The following PKD1 variants were observed in gnomAD, a reference collection of about 807,000 sequenced individuals.
The protein encoded by PKD1 is polycystin 1, transient receptor potential channel interacting, also known as polycystin-1.
A neutral mutation model predicts 361.7 loss-of-function variants in PKD1; 81 were observed. That is an observed-to-expected ratio of 0.22 (90% CI 0.19 to 0.27). The LOEUF is 0.27. PKD1 is among the 10% of genes least tolerant of loss of function. The pLI is 1.00. For missense variants in PKD1, 6,399 were observed against 6,118.3 expected, an observed-to-expected ratio of 1.05 and a Z score of -1.53; for synonymous variants, 3,615 against 2,818.3, an observed-to-expected ratio of 1.28 and a Z score of -8.95.
intron 30 of PKD1, chr16:2,099,414 G>A: frequency 1.6e-6 from 1 of 618,568 alleles, no homozygotes; most frequent in Non-Finnish European, 3.0e-6. Flanking sequence ...GTCGTCCGTG[G>A]CGTCTGCTTA....
rs1287159706 is a variant in PKD1 at position 2,100,353 on chromosome 16, A to G, written c.9568+43T>C. 1.2e-5 allele frequency: 20 copies of G among 1,609,542 alleles called. No homozygotes were observed. Among genetic ancestry groups the G allele is most frequent in the Admixed American group, 3.3e-5 (2 of 59,998 alleles). On this transcript the variant is annotated intron_variant, in intron 27 of 45. Transcript: ENST00000262304. The surrounding 1 kb of genome is among the most constrained non-coding windows in gnomAD (Gnocchi z 4.4). The stretch of plus-strand genomic sequence containing the variant: ...GAGGTCAGGCTCGCAGGGCGCCCCA[A>G]TGCGGGGGCAGAGGGGCAGAGCTTG...
chr16:2,093,654 C>A lies in PKD1; in HGVS notation c.10906G>T (p.Val3636Leu). ...GGCACACGTGCGCTCACAGGCGTCACAGCCGGGCTCTCTACCAGGGTGTCA... is the reference window on the plus strand; with the variant it reads ...GGCACACGTGCGCTCACAGGCGTCAAAGCCGGGCTCTCTACCAGGGTGTCA... The part of the protein sequence containing the change: ...EDDTLVESPA[V>L]TPVSARVPRV... The change falls in exon 37 of 46, where the codon GTG (valine) becomes TTG (leucine). Residue 3636 changes from valine to leucine, a missense_variant. Transcript: ENST00000262304. 6.2e-7 allele frequency: 1 copy of A among 1,608,336 alleles called. No individual in the cohort carries two copies.
chr16:2,113,468 G>T, intron 11 of PKD1, 176 bp from the exon 12 acceptor site: 4 of 709,664 alleles, frequency 5.6e-6, no homozygotes, highest in Middle Eastern at 4.1e-4. Flanking sequence ...CTCACTGTCC[G>T]GCTCTCCAGC....
chr16:2,123,242 C>G (rs2092750094), intron 1 of PKD1, among the ~76,000 whole-genome samples: 1 of 152,146 alleles, frequency 6.6e-6, no homozygotes, highest in Admixed American at 6.5e-5. Context: ...GCAGCAAGGT[C>G]TTGGGGACCC....
chr16:2,103,295 T>A lies in PKD1; in HGVS notation c.8762A>T (p.His2921Leu). ...LDSSNPAAGL[H>L]LQLNYTLLDG... The stretch of plus-strand genomic sequence containing the variant: ...CAGCAGCGTATAGTTGAGCTGCAGA[T>A]GCAGCCCGGCCGCAGGGTTGCTGCT... The change falls in exon 23 of 46, where the codon CAT becomes CTT. Residue 2921 changes from histidine (H) to leucine (L), a missense_variant. His to Leu is a moderately conservative substitution (Grantham distance 99). Coordinates refer to ENST00000262304, the MANE Select transcript of PKD1 (RefSeq NM_001009944.3). 1 of 1,609,480 alleles carries A rather than the reference T, an allele frequency of 6.2e-7. No individual in the cohort carries two copies. Among genetic ancestry groups the A allele is most frequent in the Non-Finnish European group, 8.5e-7 (1 of 1,179,684 alleles).
rs369700372 is a variant in PKD1 at position 2,103,885 on chromosome 16, G to T, written c.8172C>A (p.Ile2724=). Reference sequence around the variant, plus strand: ...CCCGCACGTCCGAGCTGGCCAGGTGGATGAGGTCTCCTGCAGACATGCGTG... The same window carrying T: ...CCCGCACGTCCGAGCTGGCCAGGTGTATGAGGTCTCCTGCAGACATGCGTG... The part of the protein sequence containing the change: ...DSILNITGDL[I]HLASSDVRAP... Residue 2724 remains isoleucine (I), a synonymous_variant, in exon 23 of 46, where the codon ATC becomes ATA. Coordinates refer to ENST00000262304, the MANE Select transcript of PKD1 (RefSeq NM_001009944.3). The T allele has an allele frequency of 3.0e-5, 44 of 1,472,960 alleles. No individual in the cohort carries two copies. In the South Asian group the frequency reaches 4.9e-4, roughly 16 times the overall value. 91.2% of individuals were successfully genotyped at this position (1,472,960 alleles called of 1,614,324 possible).
intron 38 of PKD1, 22 bp from the exon 39 acceptor site, chr16:2,092,614 G>A (rs907765258): frequency 9.2e-6 from 14 of 1,529,336 alleles, no homozygotes; most frequent in East Asian, 4.5e-5. Context: ...TCAGTCACAC[G>A]CTCCAGCCCC....
chr16:2,091,978 G>C (rs893313827), intron 40 of PKD1, 69 bp downstream of exon 40: 2 of 1,611,954 alleles, frequency 1.2e-6, no homozygotes, highest in Non-Finnish European at 1.7e-6. Context: ...TGGTCAGGAG[G>C]CCGCGGCACT....
Position 2,097,409 on chromosome 16 carries a change from G to A in PKD1, c.10315C>T (p.Arg3439Trp), listed in dbSNP as rs374486955. 116 of 1,609,660 alleles carry A rather than the reference G, an allele frequency of 7.2e-5. No individual in the cohort carries two copies. Among genetic ancestry groups the A allele is most frequent in the East Asian group, 5.6e-4 (25 of 44,890 alleles). ...IVGSNLRQLA[R>W]GQAGHGLGPE... is the part of the protein sequence containing the mutation. ...CCCAGCCCATGGCCCGCCTGGCCCC[G>A]TGCCAGCTGCCGCAGATTGCTACCC... Residue 3439 changes from arginine (R) to tryptophan (W), a missense_variant, in exon 33 of 46, where the codon CGG becomes TGG. Physicochemically the swap from Arg to Trp is moderately radical, Grantham distance 101. Transcript: ENST00000262304.
At chr16:2,116,469 C>A (rs1220704221) in intron 8 of PKD1, 60 bp downstream of exon 8, 2 of 930,818 alleles carry the variant, frequency 2.1e-6, no homozygotes, top group Non-Finnish European at 3.4e-6. Flanking sequence ...GTGGGCAGGG[C>A]AGGCAAGGCC....
At chr16:2,134,098 G>C (rs2092920452) in intron 1 of PKD1, among the ~76,000 whole-genome samples, 1 of 138,564 alleles carries the variant, frequency 7.2e-6, no homozygotes, top group South Asian at 2.2e-4. Context: ...CAAACAACGG[G>C]TGGGGTAGGT....
rs763170643 is a variant in PKD1, at chr16:2,090,059, G to A, written c.12580C>T (p.Leu4194=). 11 of 1,611,290 alleles carry A rather than the reference G, an allele frequency of 6.8e-6. No individual in the cohort carries two copies. In the Admixed American group the frequency reaches 1.8e-4, roughly 27 times the overall value. Residue 4194 remains leucine, a synonymous_variant, in exon 46 of 46, where the codon CTG becomes TTG. Coordinates refer to ENST00000262304, the MANE Select transcript of PKD1 (RefSeq NM_001009944.3). The part of the protein sequence containing the change: ...ASHPSTSSSQ[L]DGLSVSLGRL... Reference sequence around the variant, plus strand: ...CCCAGGCTCACGCTCAGCCCATCCAGCTGGCTGGAGGAGGTGGAGGGGTGC... The same window carrying A: ...CCCAGGCTCACGCTCAGCCCATCCAACTGGCTGGAGGAGGTGGAGGGGTGC...
Position 2,102,846 on chromosome 16 carries a change from G to A in PKD1, c.8916C>T (p.Asp2972=), listed in dbSNP as rs142024449. 515 of 1,610,026 alleles carry A rather than the reference G, an allele frequency of 3.2e-4. No homozygotes were observed. Among genetic ancestry groups the A allele is most frequent in the African/African-American group, 2.4e-4 (18 of 74,814 alleles). ...AAATGAAGAAGGTGTAGGGCCGGTG[G>A]TCAGCACCCTGGAGTGACTCTGGGC... is the stretch of plus-strand genomic sequence containing the variant. The part of the protein sequence containing the change: ...RIRPESLQGA[D]HRPYTFFISP... Residue 2972 remains aspartate (D), a synonymous_variant, in exon 24 of 46, where the codon GAC becomes GAT. Coordinates refer to ENST00000262304, the MANE Select transcript of PKD1 (RefSeq NM_001009944.3).
At position 2,109,714 on chromosome 16, in the gene PKD1, G is replaced by T. The variant is rs746910149; in HGVS notation, c.5453C>A (p.Ala1818Glu). 2 of 1,602,986 alleles carry T rather than the reference G, an allele frequency of 1.2e-6. No homozygotes were observed. The highest frequency in any genetic ancestry group is 1.7e-6 in the Non-Finnish European group (2 of 1,176,320). The change falls in exon 15 of 46, where the codon GCG (alanine) becomes GAG (glutamate). Residue 1818 changes from alanine (A) to glutamate (E), a missense_variant. Ala to Glu is a moderately radical substitution (Grantham distance 107). Coordinates refer to ENST00000262304, the MANE Select transcript of PKD1 (RefSeq NM_001009944.3). ...CCAAAAGGGCACAGAGGACCCGGCCGCCACGAAGCTGCCTCCGGGCTCGCT... is the reference window on the plus strand; with the variant it reads ...CCAAAAGGGCACAGAGGACCCGGCCTCCACGAAGCTGCCTCCGGGCTCGCT... ...RASEPGGSFV[A>E]AGSSVPFWGQ...
chr16:2,094,618 T>C (rs148111970), intron 34 of PKD1: 147 of 273,776 alleles, frequency 5.4e-4, no homozygotes, highest in African/African-American at 3.2e-3. Flanking sequence ...CATGCAGGTT[T>C]ATGGCCTAAA....
At position 2,089,733 on chromosome 16, in the gene PKD1, G is replaced by A. The variant is rs1407760877; in HGVS notation, c.12906C>T (p.Ser4302=). 2.0e-5 allele frequency: 32 copies of A among 1,583,334 alleles called. No homozygotes were observed. Among genetic ancestry groups the A allele is most frequent in the Admixed American group, 1.6e-4 (9 of 54,638 alleles). ...LRAKNKVHPS[S]T is the part of the protein sequence containing the mutation. ...CCCCCGCCAGGAAGGAGGACTAAGT[G>A]CTGCTGGGGTGGACCTTGTTCTTGG... Residue 4302 remains serine, a synonymous_variant, in exon 46 of 46, where the codon AGC becomes AGT. Transcript: ENST00000262304.
At chr16:2,094,629 A>C in intron 34 of PKD1, 1 of 259,474 alleles carries the variant, frequency 3.9e-6, no homozygotes, top group Non-Finnish European at 7.6e-6. Context: ...ATGGCCTAAA[A>C]TTAACTTCTG....
chr16:2,098,483 T>C (rs4018132), intron 30 of PKD1, among the ~76,000 whole-genome samples: 1 of 147,740 alleles, frequency 6.8e-6, no homozygotes, highest in African/African-American at 2.6e-5. Flanking sequence ...AGTGCTGGGA[T>C]TACAGGTGTG....
intron 14 of PKD1, 147 bp from the exon 15 acceptor site, chr16:2,112,018 G>T: frequency 4.7e-6 from 4 of 859,240 alleles, no homozygotes; most frequent in Non-Finnish European, 7.5e-6. Context: ...AGCCACGTGC[G>T]GGACGGAGCA....
Sources: allele counts gnomAD v4.1 joint callset (sites outside exome capture counted in the v4.1 genomes callset), GRCh38; gene constraint gnomAD v4.1.1; non-coding constraint Gnocchi (gnomAD v3.1); transcripts MANE v1.5; gene names NCBI Gene and HGNC (gene_info 2026-07-23, HGNC 2026-07-21).